Variants in GRIK1 observed in about 807,000 individuals in gnomAD.
GRIK1 encodes the protein glutamate ionotropic receptor kainate type subunit 1, also known as glutamate receptor ionotropic, kainate 1.
GRIK1 carries 69 observed loss-of-function variants against 105.7 expected under a neutral mutation model. The ratio of observed to expected loss-of-function variants is 0.65; its 90% CI spans 0.54 to 0.80. The LOEUF is 0.80. Ranked by LOEUF, GRIK1 falls within the 30% of genes least tolerant of loss-of-function variation. The probability of loss-of-function intolerance (pLI) is 0.00; values close to 1 mark genes in which losing one functional copy is unlikely to be tolerated. For synonymous variants in GRIK1, 438 were observed against 431.3 expected (o/e 1.02, Z -0.19); for missense variants, 1,109 against 1,167.3 (o/e 0.95, Z 0.73).
At chr21:29,733,696 T>C (rs865855727) in intron 1 of GRIK1, among the ~76,000 whole-genome samples, 5 of 152,146 alleles carry the variant, frequency 3.3e-5, no homozygotes, top group East Asian at 1.9e-4. Context: ...ATGTTTCATT[T>C]TGAGGAAAAG....
intron 1 of GRIK1, among the ~76,000 whole-genome samples, chr21:29,872,073 A>G (rs780436048): frequency 5.9e-5 from 9 of 152,058 alleles, no homozygotes; most frequent in Non-Finnish European, 1.3e-4. Context: ...AAGGGCCAAT[A>G]TGTTTAAAAT....
rs71191120 is a variant in GRIK1, at chr21:29,629,194, A to ATGTGTGTGTG, written c.1098+13622_1098+13631dup. Among the ~76,000 whole-genome samples, 921 of 132,626 alleles carry ATGTGTGTGTG rather than the reference A, an allele frequency of 6.9e-3. 8 individuals are homozygous for ATGTGTGTGTG. Among genetic ancestry groups the ATGTGTGTGTG allele is most frequent in the African/African-American group, 0.022 (732 of 32,768 alleles). 87.0% of individuals were successfully genotyped at this position (132,626 alleles called of 152,430 possible). On this transcript the variant is annotated intron_variant, in intron 7 of 17. Coordinates refer to ENST00000327783, the MANE Select transcript of GRIK1 (RefSeq NM_001330994.2). ...TTTTGGATAAATGAGGAAAGGAGAA[A>ATGTGTGTGTG]TGTGTGTGTGTGTGTGTGTGTGTGT...
chr21:29,664,470 C>T (rs547826758), intron 4 of GRIK1, among the ~76,000 whole-genome samples: 1 of 152,246 alleles, frequency 6.6e-6, no homozygotes, highest in African/African-American at 2.4e-5. Context: ...TGTACTAATA[C>T]ATTCCCTTTT....
intron 8 of GRIK1, chr21:29,597,540 C>A: frequency 3.3e-6 from 1 of 300,230 alleles, no homozygotes; most frequent in South Asian, 3.2e-5. Context: ...TAGATCATAA[C>A]AAGTATTTTT....
intron 1 of GRIK1, among the ~76,000 whole-genome samples, chr21:29,831,505 G>T (rs2067637889): frequency 6.6e-6 from 1 of 152,146 alleles, no homozygotes; most frequent in Admixed American, 6.5e-5. Context: ...GCATGGCTGG[G>T]GAAGCCTCAG....
At chr21:29,624,552 C>G (rs1601306597) in intron 7 of GRIK1, among the ~76,000 whole-genome samples, 1 of 152,176 alleles carries the variant, frequency 6.6e-6, no homozygotes, top group East Asian at 1.9e-4. Flanking sequence ...AAAAGGTCAG[C>G]TCAAGTTATA....
chr21:29,591,023 G>C (rs1394438856), intron 10 of GRIK1, 89 bp downstream of exon 10: 1 of 792,008 alleles, frequency 1.3e-6, no homozygotes, highest in Admixed American at 1.7e-5. Flanking sequence ...AGACAGAAGC[G>C]TTGGCATGAA....
chr21:29,654,676 T>G (rs2062813949), intron 5 of GRIK1, 134 bp downstream of exon 5: 2 of 634,558 alleles, frequency 3.2e-6, no homozygotes, highest in Admixed American at 4.7e-5. Flanking sequence ...TTGCTGGATT[T>G]AGAGGATTCT....
At chr21:29,904,082 C>T (rs907445414) in intron 1 of GRIK1, among the ~76,000 whole-genome samples, 1 of 152,060 alleles carries the variant, frequency 6.6e-6, no homozygotes, top group Admixed American at 6.6e-5. Context: ...AATGAGAACA[C>T]ATGGACACAG....
chr21:29,762,410 T>A (rs142112614), intron 1 of GRIK1, among the ~76,000 whole-genome samples: 3 of 152,352 alleles, frequency 2.0e-5, no homozygotes, highest in African/African-American at 7.2e-5. Context: ...CTAGGTTCAC[T>A]GTCTCATTCT....
chr21:29,652,158 C>T (rs1289594461), intron 5 of GRIK1, among the ~76,000 whole-genome samples: 1 of 152,050 alleles, frequency 6.6e-6, no homozygotes, highest in African/African-American at 2.4e-5. Flanking sequence ...TGGTTCAATG[C>T]TTTTATTTTA....
intron 1 of GRIK1, among the ~76,000 whole-genome samples, chr21:29,746,822 C>A (rs2065059875): frequency 6.6e-6 from 1 of 152,076 alleles, no homozygotes; most frequent in Non-Finnish European, 1.5e-5. Context: ...TTTTGATGTT[C>A]AAAGTAACTT....
Position 29,577,052 on chromosome 21 carries a change from G to GC in GRIK1, c.2041_2042insG (p.Ser681CysfsTer8), listed in dbSNP as rs1568839368. 1 of 1,613,348 alleles carries GC rather than the reference G, an allele frequency of 6.2e-7. No individual in the cohort carries two copies. The highest frequency in any genetic ancestry group is 8.5e-7 in the Non-Finnish European group (1 of 1,179,372). On this transcript the variant is annotated frameshift_variant, in exon 14 of 18. Transcript: ENST00000327783. LOFTEE classifies it high-confidence loss of function. Reference sequence around the variant, plus strand: ...CAGATCATCTGCCGAATCTATGGGGGATTCCATTCTCTCTACTGTCAAGAA... The same window carrying GC: ...CAGATCATCTGCCGAATCTATGGGGGCATTCCATTCTCTCTACTGTCAAGAA...
chr21:29,676,011 T>A (rs113477072), intron 3 of GRIK1, among the ~76,000 whole-genome samples: 151 of 152,288 alleles, frequency 9.9e-4, no homozygotes, highest in South Asian at 5.4e-3. Flanking sequence ...GCACACAATA[T>A]TAAATCCTTA....
In GRIK1 at chr21:29,538,524, G is replaced by A. The variant is rs141564913; in HGVS notation, c.2608-640C>T. Among the ~76,000 whole-genome samples the A allele has an allele frequency of 2.6e-3, 388 of 152,052 alleles. 7 individuals carry two copies. The East Asian group carries it at 0.034, about 13-fold the overall frequency. On this transcript the variant is annotated intron_variant, in intron 16 of 17. Transcript: ENST00000327783. ...CAACATTGTGCCTATAGTTAATATC[G>A]TCTTGAACACTTAGACATTTTTAAG...
chr21:29,939,428 G>A lies in GRIK1; in HGVS notation c.73C>T (p.Leu25Phe), dbSNP rs200262014. Residue 25 changes from leucine (L) to phenylalanine (F), a missense_variant, in exon 1 of 18, where the codon CTC becomes TTC. Leu to Phe is a conservative substitution (Grantham distance 22). Coordinates refer to ENST00000327783, the MANE Select transcript of GRIK1 (RefSeq NM_001330994.2). ...GCGGTCTGAGGGAGGATATAGCAGA[G>A]GAAATAGAGGAGTGCCCAGCTGGTG... ...RDTSWALLYF[L>F]CYILPQTAPQ... 73 of 1,587,754 alleles carry A rather than the reference G, an allele frequency of 4.6e-5. No individual in the cohort carries two copies. The East Asian group carries it at 1.4e-3, about 30-fold the overall frequency.
chr21:29,581,862 A>G (rs1389001402), intron 12 of GRIK1, among the ~76,000 whole-genome samples: 2 of 152,182 alleles, frequency 1.3e-5, no homozygotes, highest in African/African-American at 2.4e-5. Context: ...AACTGTAAAG[A>G]AAGGTTCACT....
At chr21:29,879,934 A>G (rs2069340514) in intron 1 of GRIK1, among the ~76,000 whole-genome samples, 1 of 152,118 alleles carries the variant, frequency 6.6e-6, no homozygotes, top group African/African-American at 2.4e-5. Flanking sequence ...GCCTATTAGC[A>G]TTTAACCTCT....
chr21:29,722,881 A>T (rs1408387400), intron 1 of GRIK1, among the ~76,000 whole-genome samples: 1 of 152,364 alleles, frequency 6.6e-6, no homozygotes, highest in East Asian at 1.9e-4. Flanking sequence ...GTCTTAAAAA[A>T]GTTTAGAAAT....
Sources: allele counts gnomAD v4.1 joint callset (sites outside exome capture counted in the v4.1 genomes callset), GRCh38; gene constraint gnomAD v4.1.1; transcripts MANE v1.5; gene names NCBI Gene and HGNC (gene_info 2026-07-23, HGNC 2026-07-21).